The following HTD2 variants were observed in gnomAD, a reference collection of about 807,000 sequenced individuals.
HTD2 encodes the protein hydroxyacyl-thioester dehydratase type 2, mitochondrial.
In HTD2, 1 loss-of-function variant was observed where a neutral mutation model predicts 3.1. The observed-to-expected ratio is 0.32, with a 90% CI of 0.11 to 1.52. The LOEUF is 1.52. Ranked by LOEUF, HTD2 falls within the 40% of genes most tolerant of loss-of-function variation. The pLI is 0.39. For synonymous variants in HTD2, 50 were observed against 28.9 expected (o/e 1.73, Z -2.34); for missense variants, 150 against 79.6 (o/e 1.88, Z -3.36).
At chr3:58,311,708 CTT>C (rs756755418) in intron 2 of HTD2, among the ~76,000 whole-genome samples, 8 of 139,166 alleles carry the variant, frequency 5.7e-5, no homozygotes, top group Non-Finnish European at 7.8e-5. Context: ...TGCATATGTC[CTT>C]TTTTTTTTTT....
chr3:58,317,392 T>A, intron 4 of HTD2, 48 bp from the exon 5 acceptor site: 1 of 1,282,012 alleles, frequency 7.8e-7, no homozygotes. Flanking sequence ...TGCCCTGTGC[T>A]TCAGTGTGGT....
chr3:58,307,461 T>C (rs1056641836), intron 1 of HTD2, among the ~76,000 whole-genome samples: 3 of 152,188 alleles, frequency 2.0e-5, no homozygotes, highest in Admixed American at 2.0e-4. Context: ...CGGTGGCTCA[T>C]GCCTGTAATC....
chr3:58,310,214 A>G (rs2097480613), intron 1 of HTD2: 1 of 917,932 alleles, frequency 1.1e-6, no homozygotes, highest in South Asian at 1.4e-5. Context: ...CTTAAAACAA[A>G]CAAACAAAAA....
Position 58,306,648 on chromosome 3 carries a change from C to G in HTD2, c.-419C>G, listed in dbSNP as rs1175806480. The G allele has an allele frequency of 1.3e-5, 2 of 151,224 alleles. No homozygotes were observed. The highest frequency in any genetic ancestry group is 6.6e-5 in the Admixed American group (1 of 15,264). The allele number at this position is 151,224 out of a possible 1,614,324, so 9.4% of individuals were successfully genotyped here. ...CTGAGCGCTCTCCATGCGCCCGGCG[C>G]GAGGTGAGCGCTAAATAGTGGTTGT... On this transcript the variant is annotated 5_prime_UTR_variant, in exon 1 of 5. Transcript: ENST00000461393.
Position 58,318,661 on chromosome 3 carries a change from C to A in HTD2, c.*541C>A, listed in dbSNP as rs993677482. 6.6e-6 allele frequency: 1 copy of A among 151,800 alleles called. No homozygotes were observed. The highest frequency in any genetic ancestry group is 1.5e-5 in the Non-Finnish European group (1 of 68,102). The allele number at this position is 151,800 out of a possible 1,614,324, so 9.4% of individuals were successfully genotyped here. On this transcript the variant is annotated 3_prime_UTR_variant, in exon 5 of 5. Coordinates refer to ENST00000461393, the MANE Select transcript of HTD2 (RefSeq NM_001348712.2). ...CTGCACTGTAGCCTGAGTGACAGAG[C>A]GAGACCCTGTCTCAAGAAAGAAGTA...
chr3:58,319,214 T>C lies in HTD2; in HGVS notation c.*1094T>C, dbSNP rs910971516. 1 of 152,242 alleles carries C rather than the reference T, an allele frequency of 6.6e-6. No homozygotes were observed. Among genetic ancestry groups the C allele is most frequent in the African/African-American group, 2.4e-5 (1 of 41,472 alleles). The allele number at this position is 152,242 out of a possible 1,614,324, so 9.4% of individuals were successfully genotyped here. On this transcript the variant is annotated 3_prime_UTR_variant, in exon 5 of 5. Transcript: ENST00000461393. ...CTTCAGTATCTGAGTCAGAGTTTAT[T>C]GTAATTTGTTATTTACACCAAGGTG...
Position 58,316,997 on chromosome 3 carries a change from A to G in HTD2, c.-175+4A>G. The G allele has an allele frequency of 6.2e-7, 1 of 1,608,280 alleles. No homozygotes were observed. Among genetic ancestry groups the G allele is most frequent in the Non-Finnish European group, 8.5e-7 (1 of 1,174,994 alleles). On this transcript the variant is annotated splice_donor_region_variant and intron_variant, in intron 4 of 4. Transcript: ENST00000461393. Reference sequence around the variant, plus strand: ...ATGTGCTTTCCGGGTGATTCAGGTAAAGACTATTCCCTCACATATTCCAAA... The same window carrying G: ...ATGTGCTTTCCGGGTGATTCAGGTAGAGACTATTCCCTCACATATTCCAAA...
At chr3:58,311,160 G>C (rs1359034108) in intron 2 of HTD2, among the ~76,000 whole-genome samples, 2 of 146,936 alleles carry the variant, frequency 1.4e-5, no homozygotes, top group African/African-American at 5.0e-5. Flanking sequence ...TGTTGTTGTT[G>C]TTGTTTTTCT....
At chr3:58,308,702 G>T (rs2097478468) in intron 1 of HTD2, among the ~76,000 whole-genome samples, 1 of 152,216 alleles carries the variant, frequency 6.6e-6, no homozygotes, top group Admixed American at 6.5e-5. Context: ...CTGGTCCATA[G>T]CTCTGTGACC....
At chr3:58,315,373 G>C (rs150822487) in intron 2 of HTD2, among the ~76,000 whole-genome samples, 1 of 152,076 alleles carries the variant, frequency 6.6e-6, no homozygotes, top group Non-Finnish European at 1.5e-5. Flanking sequence ...TTGCTGGGGT[G>C]AGGAGTAGGG....
At position 58,319,339 on chromosome 3, in the gene HTD2, G is replaced by GTAGC. The variant is rs1170809871; in HGVS notation, c.*1220_*1223dup. On this transcript the variant is annotated 3_prime_UTR_variant, in exon 5 of 5. Coordinates refer to ENST00000461393, the MANE Select transcript of HTD2 (RefSeq NM_001348712.2). ...AAACGGTCTGATCTGTAAAATAGTGGTAGCACATGCCATGTGGGATAGTTG... is the reference window on the plus strand; with the variant it reads ...AAACGGTCTGATCTGTAAAATAGTGGTAGCTAGCACATGCCATGTGGGATAGTTG... 1 of 152,216 alleles carries GTAGC rather than the reference G, an allele frequency of 6.6e-6. No individual in the cohort carries two copies. 9.4% of individuals were successfully genotyped at this position (152,216 alleles called of 1,614,324 possible). A position where few individuals can be genotyped will look rare whatever the true frequency, so the allele number is the denominator to read the frequency against.
chr3:58,314,283 G>A (rs1054051908), intron 2 of HTD2, among the ~76,000 whole-genome samples: 20 of 152,220 alleles, frequency 1.3e-4, no homozygotes, highest in Admixed American at 9.2e-4. Context: ...CCTGGGAGGC[G>A]GAGGTTGCAG....
intron 2 of HTD2, among the ~76,000 whole-genome samples, chr3:58,314,428 C>T (rs1488482203): frequency 1.3e-5 from 2 of 152,102 alleles, no homozygotes; most frequent in African/African-American, 4.8e-5. Flanking sequence ...TGGGCAAAAA[C>T]ATTAACAGAC....
chr3:58,315,521 T>C (rs1447770792), intron 2 of HTD2, among the ~76,000 whole-genome samples: 1 of 152,134 alleles, frequency 6.6e-6, no homozygotes, highest in Non-Finnish European at 1.5e-5. Context: ...CAGGTATAAA[T>C]AGGAGTAGAC....
At chr3:58,316,037 T>TA (rs986970738) in intron 2 of HTD2, among the ~76,000 whole-genome samples, 32 of 151,842 alleles carry the variant, frequency 2.1e-4, no homozygotes, top group African/African-American at 6.7e-4. Context: ...TACAAAATTT[T>TA]AAAAAAAAAT....
Position 58,317,601 on chromosome 3 carries a change from G to T in HTD2, c.-13G>T. The T allele has an allele frequency of 1.2e-6, 1 of 824,596 alleles. No homozygotes were observed. The highest frequency in any genetic ancestry group is 2.5e-5 in the East Asian group (1 of 40,150). The allele number at this position is 824,596 out of a possible 1,614,324, so 51.1% of individuals were successfully genotyped here. A position where few individuals can be genotyped will look rare whatever the true frequency, so the allele number is the denominator to read the frequency against. ...AGGCTAAAAGCTCTTGATGAAATTTGAGGGTGCTGAAGATGTTCCCACTAA... is the reference window on the plus strand; with the variant it reads ...AGGCTAAAAGCTCTTGATGAAATTTTAGGGTGCTGAAGATGTTCCCACTAA... On this transcript the variant is annotated 5_prime_UTR_variant, in exon 5 of 5. An upstream open reading frame in the 5' UTR gains an earlier in-frame stop. Coordinates refer to ENST00000461393, the MANE Select transcript of HTD2 (RefSeq NM_001348712.2).
intron 3 of HTD2, 92 bp from the exon 4 acceptor site, chr3:58,316,823 A>G: frequency 8.6e-7 from 1 of 1,166,784 alleles, no homozygotes; most frequent in East Asian, 2.4e-5. Context: ...TTATAGTTGC[A>G]AAGTCAGAAG....
intron 3 of HTD2, 118 bp from the exon 4 acceptor site, chr3:58,316,797 G>A: frequency 1.0e-6 from 1 of 974,058 alleles, no homozygotes; most frequent in Non-Finnish European, 1.6e-6. Flanking sequence ...TACAGCTGTA[G>A]TTTTCCCATT....
intron 1 of HTD2, among the ~76,000 whole-genome samples, chr3:58,308,222 C>A (rs763289179): frequency 6.6e-6 from 1 of 152,052 alleles, no homozygotes; most frequent in Non-Finnish European, 1.5e-5. Context: ...ATATATAGGC[C>A]TATACCACTA....
Sources: gnomAD v4.1 joint callset for allele counts (sites outside exome capture counted in the v4.1 genomes callset) on GRCh38, gnomAD v4.1.1 for gene constraint, MANE v1.5 for transcripts, NCBI Gene and HGNC (gene_info 2026-07-23, HGNC 2026-07-21) for gene names.